ANKAR: variants seen among roughly 807,000 people sequenced by gnomAD.
ANKAR encodes the protein ankyrin and armadillo repeat containing, also known as ankyrin and armadillo repeat-containing protein.
ANKAR carries 136 observed loss-of-function variants against 146.2 expected under a neutral mutation model. That is an observed-to-expected ratio of 0.93 (90% CI 0.81 to 1.07). ANKAR has a LOEUF of 1.07. Among genes scored for constraint, ANKAR ranks in the 50% least tolerant of loss-of-function variants. ANKAR has a pLI of 0.00. For missense variants in ANKAR, 1,567 were observed against 1,679.9 expected (o/e 0.93, Z 1.18); for synonymous variants, 500 against 575.8 (o/e 0.87, Z 1.88).
At position 189,719,721 on chromosome 2, in the gene ANKAR, C is replaced by T. The variant is rs1559114446; in HGVS notation, c.2374C>T (p.Leu792=). ...AGGIPSLINL[L]VCDEPEVHSR... ...AGGCATTCCATCTCTAATCAACCTA[C>T]TGGTTTGTGATGAGCCTGAAGTACA... Residue 792 remains leucine (L), a synonymous_variant, in exon 11 of 23, where the codon CTG becomes TTG. Transcript: ENST00000684021. 6.2e-7 allele frequency: 1 copy of T among 1,614,096 alleles called. No individual in the cohort carries two copies. Among genetic ancestry groups the T allele is most frequent in the Admixed American group, 1.7e-5 (1 of 60,018 alleles).
chr2:189,750,450 AG>A (rs67364820), downstream of ANKAR: 492,898 of 511,646 alleles, frequency 0.96, 237,203 homozygotes, highest in Admixed American at 0.97. Context: ...AACATCAAAT[AG>A]AAAAAAAAAA....
At chr2:189,719,996 A>G (rs956302156) in intron 11 of ANKAR, among the ~76,000 whole-genome samples, 183 bp downstream of exon 11, 36 of 152,224 alleles carry the variant, frequency 2.4e-4, no homozygotes, top group African/African-American at 8.2e-4. Context: ...AGTACGGTCC[A>G]GAAGTAGATG....
chr2:189,718,357 C>T (rs1220570208), intron 10 of ANKAR, among the ~76,000 whole-genome samples: 15 of 30,090 alleles, frequency 5.0e-4, no homozygotes, highest in African/African-American at 9.7e-4. Flanking sequence ...TATCTACACA[C>T]AGACACACAC....
chr2:189,724,547 A>G (rs887206104), intron 12 of ANKAR, among the ~76,000 whole-genome samples: 1 of 152,168 alleles, frequency 6.6e-6, no homozygotes, highest in African/African-American at 2.4e-5. Flanking sequence ...TTATTTCCCT[A>G]GTGCCTGGGA....
At chr2:189,695,926 T>TA (rs150259428) in intron 6 of ANKAR, among the ~76,000 whole-genome samples, 2,829 of 152,236 alleles carry the variant, frequency 0.019, 86 homozygotes, top group African/African-American at 0.064. Context: ...AAATTAATAA[T>TA]AAAAAATTCC....
intron 2 of ANKAR, among the ~76,000 whole-genome samples, chr2:189,688,991 C>T (rs535251101): frequency 2.0e-5 from 3 of 152,180 alleles, no homozygotes; most frequent in South Asian, 2.1e-4. Context: ...TGTTGGTGAA[C>T]GGGCCGTAAT....
chr2:189,754,155 T>A, intron 18 of ANKAR: 6 of 1,613,250 alleles, frequency 3.7e-6, no homozygotes, highest in Non-Finnish European at 5.1e-6. Context: ...CTCTTTTTCC[T>A]TTTTCATTAT....
chr2:189,695,237 T>A, intron 6 of ANKAR, 76 bp downstream of exon 6: 10 of 1,224,816 alleles, frequency 8.2e-6, no homozygotes, highest in Non-Finnish European at 1.1e-5. Flanking sequence ...AAACAGATGT[T>A]TATCCTAGGG....
At chr2:189,717,665 T>C (rs942554282) in intron 10 of ANKAR, among the ~76,000 whole-genome samples, 2 of 152,146 alleles carry the variant, frequency 1.3e-5, no homozygotes, top group African/African-American at 4.8e-5. Context: ...CTATTCACAA[T>C]AGCAAAAACT....
At chr2:189,706,065 T>C (rs1202839077) in intron 8 of ANKAR, among the ~76,000 whole-genome samples, 2 of 151,464 alleles carry the variant, frequency 1.3e-5, no homozygotes, top group African/African-American at 4.8e-5. Flanking sequence ...GTCCCTCAGA[T>C]GGCAACTCCT....
chr2:189,738,405 C>T (rs2043038331), intron 18 of ANKAR, among the ~76,000 whole-genome samples, 160 bp from the exon 19 acceptor site: 2 of 152,016 alleles, frequency 1.3e-5, no homozygotes, highest in African/African-American at 4.8e-5. Context: ...AATACTCTAA[C>T]TCTCCCCACC....
chr2:189,727,792 G>T, intron 12 of ANKAR, 64 bp from the exon 13 acceptor site: 1 of 1,548,802 alleles, frequency 6.5e-7, no homozygotes, highest in Non-Finnish European at 8.8e-7. Flanking sequence ...CTAATGATAT[G>T]CTGCACTTTG....
chr2:189,749,777 T>C (rs183361329), downstream of ANKAR, among the ~76,000 whole-genome samples: 23 of 152,264 alleles, frequency 1.5e-4, no homozygotes, highest in East Asian at 3.7e-3. Context: ...TAATAACATA[T>C]TATGTTAGAG....
downstream of ANKAR, chr2:189,763,012 A>T (rs2047348992): frequency 1.0e-6 from 1 of 985,278 alleles, no homozygotes; most frequent in South Asian, 4.7e-5. Flanking sequence ...ACTACACAAC[A>T]TCAAGTTCCA....
intron 18 of ANKAR, among the ~76,000 whole-genome samples, chr2:189,758,342 T>C (rs2046399776): frequency 6.6e-6 from 1 of 151,848 alleles, no homozygotes; most frequent in Admixed American, 6.6e-5. Flanking sequence ...GATTGCACCA[T>C]TGCACTCTGG....
chr2:189,701,359 A>G (rs749653331), intron 7 of ANKAR, among the ~76,000 whole-genome samples: 1 of 152,008 alleles, frequency 6.6e-6, no homozygotes, highest in Non-Finnish European at 1.5e-5. Flanking sequence ...CAGCCTCCCT[A>G]GTAGCTGGGA....
intron 3 of ANKAR, among the ~76,000 whole-genome samples, chr2:189,690,394 T>A (rs1435937839): frequency 6.6e-6 from 1 of 152,186 alleles, no homozygotes; most frequent in Non-Finnish European, 1.5e-5. Flanking sequence ...GTCTTTCATT[T>A]CTGAAAAATA....
chr2:189,721,216 G>A (rs1374679589), intron 12 of ANKAR, among the ~76,000 whole-genome samples: 2 of 152,080 alleles, frequency 1.3e-5, no homozygotes, highest in Non-Finnish European at 2.9e-5. Context: ...TCAAACTCCT[G>A]ACCTTGTGAT....
At chr2:189,716,646 A>G (rs1391313007) in intron 10 of ANKAR, among the ~76,000 whole-genome samples, 2 of 150,442 alleles carry the variant, frequency 1.3e-5, no homozygotes, top group Admixed American at 1.3e-4. Flanking sequence ...ATCCTAGGCA[A>G]AAAGAACAAA....
Sources: allele counts gnomAD v4.1 joint callset (sites outside exome capture counted in the v4.1 genomes callset), GRCh38; gene constraint gnomAD v4.1.1; transcripts MANE v1.5; gene names NCBI Gene and HGNC (gene_info 2026-07-23, HGNC 2026-07-21).